The following FAM149B1 variants were observed in gnomAD, a reference collection of about 807,000 sequenced individuals.
FAM149B1 encodes the protein family with sequence similarity 149 member B1, also known as primary cilium assembly protein FAM149B1.
A neutral mutation model predicts 75.3 loss-of-function variants in FAM149B1; 56 were observed. That is an observed-to-expected ratio of 0.74 (90% CI 0.60 to 0.93). The LOEUF (loss-of-function observed/expected upper bound fraction) is 0.93, where lower values mean the gene tolerates loss of function less well. Ranked by LOEUF, FAM149B1 falls within the 40% of genes least tolerant of loss-of-function variation. The pLI is 0.00. For synonymous variants in FAM149B1, 259 were observed against 256.1 expected (o/e 1.01, Z -0.11); for missense variants, 639 against 708.4 (o/e 0.90, Z 1.11).
chr10:73,177,574 C>CAAAAAA (rs112060986), intron 2 of FAM149B1, among the ~76,000 whole-genome samples: 1 of 145,302 alleles, frequency 6.9e-6, no homozygotes, highest in African/African-American at 2.5e-5. Flanking sequence ...ATTCTGTCTC[C>CAAAAAA]AAAAAAAAAA....
At position 73,240,507 on chromosome 10, in the gene FAM149B1, T is replaced by C. The variant is rs149102112; in HGVS notation, c.1676-439T>C. On this transcript the variant is annotated intron_variant, in intron 13 of 13. Transcript: ENST00000242505. ...GCGGGCGGATCACGAGGTCAGCATA[T>C]TGAGACCATCCTGGCTAACATGGTG... Among the ~76,000 whole-genome samples the C allele has an allele frequency of 3.9e-5, 6 of 152,206 alleles. No homozygotes were observed. The East Asian group carries it at 7.7e-4, about 20-fold the overall frequency.
chr10:73,215,463 TC>T (rs1483776285), intron 7 of FAM149B1, among the ~76,000 whole-genome samples: 2 of 152,164 alleles, frequency 1.3e-5, no homozygotes, highest in African/African-American at 2.4e-5. Context: ...CTCAAGCGAT[TC>T]TCCTGCCTTG....
At chr10:73,225,242 G>A (rs934319157) in intron 7 of FAM149B1, among the ~76,000 whole-genome samples, 6 of 152,158 alleles carry the variant, frequency 3.9e-5, no homozygotes, top group Non-Finnish European at 7.3e-5. Flanking sequence ...ATAGCCTCAG[G>A]TAGGTCCTTC....
At chr10:73,199,465 C>A (rs908547681) in intron 5 of FAM149B1, among the ~76,000 whole-genome samples, 4 of 152,120 alleles carry the variant, frequency 2.6e-5, no homozygotes, top group African/African-American at 9.7e-5. Flanking sequence ...GGTCCACCCT[C>A]CTCAGCCTCC....
intron 12 of FAM149B1, chr10:73,238,656 G>C (rs2043877195): frequency 6.6e-6 from 1 of 152,178 alleles, no homozygotes. Flanking sequence ...GCTGACCCCT[G>C]ATCTCTAAAA....
At chr10:73,223,641 TGA>T (rs1326525358) in intron 7 of FAM149B1, among the ~76,000 whole-genome samples, 2 of 152,294 alleles carry the variant, frequency 1.3e-5, no homozygotes, top group African/African-American at 4.8e-5. Context: ...CAGTATTGTG[TGA>T]GAGTTCCAGT....
intron 6 of FAM149B1, among the ~76,000 whole-genome samples, chr10:73,209,372 C>T (rs574638543): frequency 3.3e-5 from 5 of 151,910 alleles, no homozygotes; most frequent in Non-Finnish European, 5.9e-5. Flanking sequence ...CGCTTGAACC[C>T]GGGAGGCGGA....
At chr10:73,209,720 T>C (rs1255133448) in intron 6 of FAM149B1, among the ~76,000 whole-genome samples, 1 of 152,228 alleles carries the variant, frequency 6.6e-6, no homozygotes, top group Non-Finnish European at 1.5e-5. Flanking sequence ...CTTGCTACCT[T>C]TCTGTGACAT....
chr10:73,205,334 C>CCA (rs35008025), intron 5 of FAM149B1, among the ~76,000 whole-genome samples: 160 of 150,780 alleles, frequency 1.1e-3, no homozygotes, highest in African/African-American at 2.9e-3. Context: ...CGGCACCTCT[C>CCA]CACACACACA....
intron 13 of FAM149B1, among the ~76,000 whole-genome samples, chr10:73,239,827 A>G (rs1034596273): frequency 1.3e-5 from 2 of 152,254 alleles, no homozygotes; most frequent in South Asian, 2.1e-4. Context: ...AAGAAATTCT[A>G]AACCATCAGG....
At chr10:73,210,113 A>G (rs1330599514) in intron 6 of FAM149B1, 138 bp from the exon 7 acceptor site, 2 of 619,896 alleles carry the variant, frequency 3.2e-6, no homozygotes, top group Non-Finnish European at 5.7e-6. Flanking sequence ...TATTACTTCT[A>G]TTTGGCCTTT....
chr10:73,182,079 T>C (rs2042411849), intron 3 of FAM149B1, among the ~76,000 whole-genome samples: 1 of 152,200 alleles, frequency 6.6e-6, no homozygotes, highest in Non-Finnish European at 1.5e-5. Flanking sequence ...TCTTTTTTGG[T>C]TACCATGGGT....
In FAM149B1 at chr10:73,230,524, C is replaced by T. The variant is rs1440891205; in HGVS notation, c.1126C>T (p.Leu376=). 1.4e-6 allele frequency: 2 copies of T among 1,466,506 alleles called. No homozygotes were observed. Among genetic ancestry groups the T allele is most frequent in the Admixed American group, 3.9e-5 (2 of 50,894 alleles). 90.8% of individuals were successfully genotyped at this position (1,466,506 alleles called of 1,614,324 possible). A position where few individuals can be genotyped will look rare whatever the true frequency, so the allele number is the denominator to read the frequency against. Residue 376 remains leucine, a splice_region_variant and synonymous_variant, in exon 9 of 14, where the codon CTA becomes TTA. Transcript: ENST00000242505. ...AAATCTCTCCCTAATGGACAAGCTC[C>T]TGTAAGAAGTTCAACATTTTCAGAC... ...PRNLSLMDKL[L]DLDDKLLMRP... is the part of the protein sequence containing the mutation.
intron 2 of FAM149B1, among the ~76,000 whole-genome samples, chr10:73,176,234 A>G (rs1239932684): frequency 1.3e-5 from 2 of 152,032 alleles, no homozygotes; most frequent in African/African-American, 2.4e-5. Context: ...TGATGCCACC[A>G]CTGATCTGAC....
chr10:73,221,008 G>T (rs2043400798), intron 7 of FAM149B1, among the ~76,000 whole-genome samples: 1 of 152,204 alleles, frequency 6.6e-6, no homozygotes, highest in Non-Finnish European at 1.5e-5. Flanking sequence ...TATGCTAAAT[G>T]AAAGAAGCCA....
At chr10:73,187,308 T>A (rs991025511) in intron 3 of FAM149B1, among the ~76,000 whole-genome samples, 55 of 149,582 alleles carry the variant, frequency 3.7e-4, no homozygotes, top group African/African-American at 1.3e-3. Context: ...GTGCACTCTC[T>A]ATCAAAATCC....
chr10:73,222,219 C>T (rs1046418114), intron 7 of FAM149B1, among the ~76,000 whole-genome samples: 2 of 152,156 alleles, frequency 1.3e-5, no homozygotes, highest in African/African-American at 4.8e-5. Flanking sequence ...AAGTTACTTG[C>T]AAACAGTTTG....
intron 3 of FAM149B1, among the ~76,000 whole-genome samples, chr10:73,185,991 A>G (rs1205336533): frequency 6.6e-6 from 1 of 152,204 alleles, no homozygotes; most frequent in Non-Finnish European, 1.5e-5. Flanking sequence ...TAGTCATCAC[A>G]AGAAAACTAC....
rs1255439939 is a variant in FAM149B1 at position 73,210,372 on chromosome 10, G to A, written c.832G>A (p.Val278Ile). The change falls in exon 7 of 14, where the codon GTA (valine) becomes ATA (isoleucine). Residue 278 changes from valine to isoleucine, a missense_variant. By Grantham distance (29) the Val-to-Ile change is conservative (BLOSUM62 3). Coordinates refer to ENST00000242505, the MANE Select transcript of FAM149B1 (RefSeq NM_173348.2). The stretch of plus-strand genomic sequence containing the variant: ...TGTCCTTGCTTATGTGTTTGACAGT[G>A]TATGGTGCAAGGTTGTGAGCTGTAT... ...EDVLAYVFDSVWCKVVSCMEQ... is the reference protein window; with the variant it reads ...EDVLAYVFDSIWCKVVSCMEQ... 2.6e-6 allele frequency: 4 copies of A among 1,551,516 alleles called. No individual in the cohort carries two copies. The South Asian group carries it at 3.6e-5, about 14-fold the overall frequency.
Sources: gnomAD v4.1 joint callset for allele counts (sites outside exome capture counted in the v4.1 genomes callset) on GRCh38, gnomAD v4.1.1 for gene constraint, MANE v1.5 for transcripts, NCBI Gene and HGNC (gene_info 2026-07-23, HGNC 2026-07-21) for gene names.